Variants in DRC11 observed in about 807,000 individuals in gnomAD.
The protein encoded by DRC11 is dynein regulatory complex subunit 11.
chr2:236,344,518 G>T, the DRC11 span: 3 of 1,487,888 alleles, frequency 2.0e-6, no homozygotes, highest in South Asian at 1.2e-5. Flanking sequence ...TCCTTTGGAG[G>T]AAAGAAAAGG....
chr2:236,489,141 T>G, the DRC11 span, among the ~76,000 whole-genome samples: 104 of 68,308 alleles, frequency 1.5e-3, no homozygotes, highest in South Asian at 1.7e-3. Flanking sequence ...GCTGGGGCCT[T>G]TATGGGCTCC....
At chr2:236,453,912 G>C in the DRC11 span, among the ~76,000 whole-genome samples, 2 of 152,264 alleles carry the variant, frequency 1.3e-5, no homozygotes, top group East Asian at 3.9e-4. This position sits in a 1 kb window ranked among gnomAD's most constrained non-coding sequence, Gnocchi z 4.9. Context: ...AAAGTGCTGG[G>C]ATTACAGGCA....
At chr2:236,357,092 A>T in the DRC11 span, among the ~76,000 whole-genome samples, 1 of 100,464 alleles carries the variant, frequency 1.0e-5, no homozygotes. Flanking sequence ...TATATATTTT[A>T]TATATTCGTA....
chr2:236,339,619 T>C, the DRC11 span, among the ~76,000 whole-genome samples: 1 of 152,166 alleles, frequency 6.6e-6, no homozygotes, highest in African/African-American at 2.4e-5. Context: ...CTCTTTCTTT[T>C]GCAGGCAGCA....
the DRC11 span, among the ~76,000 whole-genome samples, chr2:236,412,067 A>T: frequency 6.6e-6 from 1 of 152,018 alleles, no homozygotes; most frequent in African/African-American, 2.4e-5. Flanking sequence ...AAAGAAAAAA[A>T]AATTGTTTGT....
At chr2:236,366,269 T>C in the DRC11 span, among the ~76,000 whole-genome samples, 1 of 152,220 alleles carries the variant, frequency 6.6e-6, no homozygotes. Context: ...CGGTGTCTCC[T>C]GGCCAAGTAT....
At chr2:236,386,807 T>C in the DRC11 span, among the ~76,000 whole-genome samples, 6 of 150,496 alleles carry the variant, frequency 4.0e-5, no homozygotes, top group African/African-American at 1.2e-4. Flanking sequence ...CTTAGTGCTA[T>C]AAATTTCCCT....
the DRC11 span, among the ~76,000 whole-genome samples, chr2:236,464,782 T>C: frequency 5.3e-5 from 8 of 151,934 alleles, no homozygotes; most frequent in African/African-American, 1.9e-4. Flanking sequence ...CTATAGTGAG[T>C]GAGTTCTTGC....
the DRC11 span, among the ~76,000 whole-genome samples, chr2:236,327,494 C>T: frequency 1.3e-5 from 2 of 152,172 alleles, no homozygotes; most frequent in Non-Finnish European, 2.9e-5. Context: ...ATCTGCCTGC[C>T]TTGGCCTCCC....
At chr2:236,333,277 CA>C in the DRC11 span, 29,996 of 152,114 alleles carry the variant, frequency 0.2, 3,060 homozygotes, top group African/African-American at 0.26. This position sits in a 1 kb window ranked among gnomAD's most constrained non-coding sequence, Gnocchi z 6.0. Context: ...AAATAGGCTA[CA>C]AGAGTGTTTC....
chr2:236,309,157 G>C, the DRC11 span, among the ~76,000 whole-genome samples: 1 of 152,186 alleles, frequency 6.6e-6, no homozygotes, highest in Non-Finnish European at 1.5e-5. This position sits in a 1 kb window ranked among gnomAD's most constrained non-coding sequence, Gnocchi z 5.7. Flanking sequence ...CAGCCGCACA[G>C]TGGCCGAGAA....
the DRC11 span, among the ~76,000 whole-genome samples, chr2:236,499,300 C>A: frequency 6.6e-6 from 1 of 152,224 alleles, no homozygotes; most frequent in Non-Finnish European, 1.5e-5. This position sits in a 1 kb window ranked among gnomAD's most constrained non-coding sequence, Gnocchi z 4.7. Flanking sequence ...CCAGAAGAAC[C>A]AGGCTCCCAC....
At chr2:236,449,008 T>C in the DRC11 span, among the ~76,000 whole-genome samples, 6 of 151,718 alleles carry the variant, frequency 4.0e-5, no homozygotes, top group Non-Finnish European at 8.8e-5. The surrounding 1 kb of genome is among the most constrained non-coding windows in gnomAD (Gnocchi z 5.1). Flanking sequence ...TATAGGTGCG[T>C]GCCACCACGC....
chr2:236,448,615 C>T, the DRC11 span, among the ~76,000 whole-genome samples: 1 of 152,084 alleles, frequency 6.6e-6, no homozygotes, highest in South Asian at 2.1e-4. The surrounding 1 kb of genome is among the most constrained non-coding windows in gnomAD (Gnocchi z 5.3). Flanking sequence ...GGATTACAGG[C>T]ATGAGCCACC....
chr2:236,410,240 G>C, the DRC11 span, among the ~76,000 whole-genome samples: 1 of 151,354 alleles, frequency 6.6e-6, no homozygotes, highest in Admixed American at 6.6e-5. Flanking sequence ...ATCTGGTCCT[G>C]GACTCTTTTT....
chr2:236,336,644 A>G, the DRC11 span, among the ~76,000 whole-genome samples: 3 of 151,806 alleles, frequency 2.0e-5, no homozygotes, highest in Non-Finnish European at 4.4e-5. This position sits in a 1 kb window ranked among gnomAD's most constrained non-coding sequence, Gnocchi z 7.3. Context: ...GTCACCCCAC[A>G]CTGCCTCCAC....
At chr2:236,415,235 A>G in the DRC11 span, among the ~76,000 whole-genome samples, 1 of 152,178 alleles carries the variant, frequency 6.6e-6, no homozygotes, top group Non-Finnish European at 1.5e-5. The surrounding 1 kb of genome is among the most constrained non-coding windows in gnomAD (Gnocchi z 5.7). Context: ...CCAATTATGC[A>G]TATAGAACTG....
At chr2:236,424,244 A>T in the DRC11 span, among the ~76,000 whole-genome samples, 1 of 152,212 alleles carries the variant, frequency 6.6e-6, no homozygotes, top group Non-Finnish European at 1.5e-5. Flanking sequence ...AAATAGTCGG[A>T]TATATAATTA....
chr2:236,484,831 C>G, the DRC11 span, among the ~76,000 whole-genome samples: 9 of 152,166 alleles, frequency 5.9e-5, no homozygotes, highest in African/African-American at 1.9e-4. Context: ...TCCTTATGGG[C>G]ACTGTGCTGT....
Sources: allele counts gnomAD v4.1 joint callset (sites outside exome capture counted in the v4.1 genomes callset), GRCh38; gene constraint gnomAD v4.1.1; non-coding constraint Gnocchi (gnomAD v3.1); transcripts MANE v1.5; gene names NCBI Gene and HGNC (gene_info 2026-07-23, HGNC 2026-07-21).